Variants in ADAMTS13 observed in about 807,000 individuals in gnomAD.
The protein encoded by ADAMTS13 is ADAM metallopeptidase with thrombospondin type 1 motif 13.
Under a neutral mutation model 155.1 loss-of-function variants are expected in ADAMTS13, and 110 were observed. The observed-to-expected ratio is 0.71, with a 90% CI of 0.61 to 0.83. The LOEUF (loss-of-function observed/expected upper bound fraction) is 0.83. ADAMTS13 is among the 40% of genes least tolerant of loss of function. ADAMTS13 has a pLI of 0.00. For missense variants in ADAMTS13, 1,707 were observed against 1,891.7 expected, an observed-to-expected ratio of 0.90 and a Z score of 1.81; for synonymous variants, 758 against 756.4, an observed-to-expected ratio of 1.00 and a Z score of -0.03.
rs1840937455 is a variant in ADAMTS13 at position 133,433,489 on chromosome 9, G to T, written c.1204G>T (p.Gly402Ter). 1 of 1,613,432 alleles carries T rather than the reference G, an allele frequency of 6.2e-7. No homozygotes were observed. Among genetic ancestry groups the T allele is most frequent in the South Asian group, 1.1e-5 (1 of 91,090 alleles). Residue 402 changes from glycine to a stop codon, truncating the protein, a stop_gained, in exon 10 of 29, where the codon GGA becomes TGA. Transcript: ENST00000355699. LOFTEE classifies it high-confidence loss of function. ...PRSPCSRSCGGGVVTRRRQCN... is the reference protein window; with the variant it reads ...PRSPCSRSCG ...AAGTCCTTGCTCCCGCTCCTGCGGA[G>T]GAGGTGTGGTCACCAGGAGGCGGCA...
rs1554785306 is a variant in ADAMTS13 at position 133,426,323 on chromosome 9, A to G, written c.664A>G (p.Ile222Val). The change falls in exon 6 of 29, where the codon ATT (isoleucine) becomes GTT (valine). Residue 222 changes from isoleucine to valine, a missense_variant. Physicochemically the swap from Ile to Val is conservative, Grantham distance 29 (BLOSUM62 3). Transcript: ENST00000355699. ...EDTGFDLGVT[I>V]AHEIGHSFGL... Reference sequence around the variant, plus strand: ...CACTGGCTTCGACCTGGGAGTCACCATTGCCCATGAGATTGGGCACAGGTA... The same window carrying G: ...CACTGGCTTCGACCTGGGAGTCACCGTTGCCCATGAGATTGGGCACAGGTA... The G allele has an allele frequency of 1.2e-6, 2 of 1,602,728 alleles. No individual in the cohort carries two copies. The highest frequency in any genetic ancestry group is 1.7e-6 in the Non-Finnish European group (2 of 1,179,942).
chr9:133,422,220 GA>G, upstream of ADAMTS13: 19 of 606,246 alleles, frequency 3.1e-5, no homozygotes, highest in South Asian at 3.5e-4. Context: ...AGGTTACCCT[GA>G]ACTGCAACCA....
chr9:133,452,120 CTT>C (rs79700317), intron 23 of ADAMTS13, among the ~76,000 whole-genome samples: 4 of 144,842 alleles, frequency 2.8e-5, no homozygotes, highest in African/African-American at 7.7e-5. Flanking sequence ...TTTTCTTCTC[CTT>C]TTTTTTTTTT....
exon 1 of ADAMTS13, chr9:133,414,615 G>A (rs376443200): frequency 6.5e-6 from 10 of 1,532,248 alleles, no homozygotes; most frequent in Non-Finnish European, 9.0e-6. Flanking sequence ...GACAGGCCTT[G>A]GTGAAGTCGC....
intron 7 of ADAMTS13, among the ~76,000 whole-genome samples, chr9:133,429,035 A>G (rs924699414): frequency 2.8e-4 from 36 of 128,124 alleles, no homozygotes; most frequent in African/African-American, 1.0e-3. Flanking sequence ...GTCCGTCCCC[A>G]CTCCGCATTC....
chr9:133,422,275 G>T (rs587757210), upstream of ADAMTS13: 10 of 662,568 alleles, frequency 1.5e-5, no homozygotes, highest in Non-Finnish European at 2.4e-5. Flanking sequence ...GCTGCAGGCC[G>T]CCCACCCTAG....
intron 28 of ADAMTS13, 30 bp from the exon 29 acceptor site, chr9:133,458,944 G>T: frequency 6.3e-7 from 1 of 1,595,220 alleles, no homozygotes; most frequent in Non-Finnish European, 8.6e-7. Flanking sequence ...ACTTGTGGCC[G>T]GTCCTTCTGG....
chr9:133,418,229 C>A, upstream of ADAMTS13: 1 of 275,732 alleles, frequency 3.6e-6, no homozygotes, highest in Non-Finnish European at 6.9e-6. Context: ...GAGATGCGAA[C>A]GCCGGAAGGG....
Position 133,426,267 on chromosome 9 carries a change from C to T in ADAMTS13, c.608C>T (p.Ser203Phe). Reference protein sequence around the residue: ...RGVTQLGGACSPTWSCLITED... With the variant: ...RGVTQLGGACFPTWSCLITED... ...GTCACCCAGCTGGGCGGTGCCTGCTCCCCAACCTGGAGCTGCCTCATTACC... is the reference window on the plus strand; with the variant it reads ...GTCACCCAGCTGGGCGGTGCCTGCTTCCCAACCTGGAGCTGCCTCATTACC... The change falls in exon 6 of 29, where the codon TCC (serine) becomes TTC (phenylalanine). Residue 203 changes from serine (S) to phenylalanine (F), a missense_variant. Coordinates refer to ENST00000355699, the MANE Select transcript of ADAMTS13 (RefSeq NM_139027.6). 1.2e-6 allele frequency: 2 copies of T among 1,611,996 alleles called. No homozygotes were observed. The highest frequency in any genetic ancestry group is 1.7e-6 in the Non-Finnish European group (2 of 1,179,986).
intron 23 of ADAMTS13, among the ~76,000 whole-genome samples, chr9:133,450,851 G>T (rs36222278): frequency 6.6e-6 from 1 of 152,248 alleles, no homozygotes; most frequent in African/African-American, 2.4e-5. Context: ...TGCTAGTTGT[G>T]GGAGGTGAAG....
intron 7 of ADAMTS13, among the ~76,000 whole-genome samples, chr9:133,429,170 C>CT (rs1554786255): frequency 9.1e-6 from 1 of 109,842 alleles, no homozygotes; most frequent in Non-Finnish European, 1.9e-5. Context: ...CCCCTGCACC[C>CT]ACCCCCCCGT....
At chr9:133,435,812 G>C (rs1412444059) in intron 11 of ADAMTS13, among the ~76,000 whole-genome samples, 1 of 151,918 alleles carries the variant, frequency 6.6e-6, no homozygotes, top group East Asian at 1.9e-4. Context: ...GATCACAGGC[G>C]TGAGCCACCG....
In ADAMTS13 at chr9:133,426,272, A is replaced by C. The variant is rs781874381; in HGVS notation, c.613A>C (p.Thr205Pro). Residue 205 changes from threonine (T) to proline (P), a missense_variant, in exon 6 of 29, where the codon ACC becomes CCC. Around this residue, in one of 3 missense-constraint regions of ADAMTS13, gnomAD observed 733 missense variants for 749.6 expected, o/e 0.98. Transcript: ENST00000355699. ...CCAGCTGGGCGGTGCCTGCTCCCCAACCTGGAGCTGCCTCATTACCGAGGA... is the reference window on the plus strand; with the variant it reads ...CCAGCTGGGCGGTGCCTGCTCCCCACCCTGGAGCTGCCTCATTACCGAGGA... ...VTQLGGACSP[T>P]WSCLITEDTG... 11 of 1,611,442 alleles carry C rather than the reference A, an allele frequency of 6.8e-6. No individual in the cohort carries two copies. In the African/African-American group the frequency reaches 1.1e-4, roughly 16 times the overall value.
In ADAMTS13 at chr9:133,437,754, G is replaced by C; in HGVS notation, c.1441G>C (p.Ala481Pro). The C allele has an allele frequency of 6.2e-7, 1 of 1,613,870 alleles. No homozygotes were observed. Among genetic ancestry groups the C allele is most frequent in the Admixed American group, 1.7e-5 (1 of 60,024 alleles). ...GAAVPHSQGD[A>P]LCRHMCRAIG... is the part of the protein sequence containing the mutation. ...TTTTCACTCTGCCCTCCCAGGGGAT[G>C]CTCTGTGCAGACACATGTGCCGGGC... Residue 481 changes from alanine (A) to proline (P), a missense_variant, in exon 13 of 29, where the codon GCT becomes CCT. Ala to Pro is a conservative substitution (Grantham distance 27). Around this residue, in one of 3 missense-constraint regions of ADAMTS13, gnomAD observed 733 missense variants for 749.6 expected, o/e 0.98. Coordinates refer to ENST00000355699, the MANE Select transcript of ADAMTS13 (RefSeq NM_139027.6).
At chr9:133,450,953 C>T (rs894683979) in intron 23 of ADAMTS13, among the ~76,000 whole-genome samples, 6 of 152,126 alleles carry the variant, frequency 3.9e-5, no homozygotes, top group South Asian at 2.1e-4. Context: ...TGAGCACCAG[C>T]ATTCTGATGT....
intron 5 of ADAMTS13, 43 bp from the exon 6 acceptor site, chr9:133,426,156 A>T (rs782413444): frequency 7.4e-6 from 12 of 1,613,868 alleles, no homozygotes; most frequent in African/African-American, 1.3e-5. Flanking sequence ...CAGGGCAGGC[A>T]CGTGCCTTGG....
chr9:133,455,164 C>T (rs1842665274), intron 24 of ADAMTS13, 121 bp from the exon 25 acceptor site: 1 of 1,112,350 alleles, frequency 9.0e-7, no homozygotes, highest in South Asian at 1.3e-5. Context: ...GGAATGGAGA[C>T]ACTTAACTGC....
At position 133,424,303 on chromosome 9, in the gene ADAMTS13, C is replaced by T. The variant is rs35410697; in HGVS notation, c.173-18C>T. The T allele has an allele frequency of 0.059, 94,312 of 1,610,810 alleles. 3,249 individuals are homozygous for T. The highest frequency in any genetic ancestry group is 0.069 in the Non-Finnish European group (81,628 of 1,179,830). Reference sequence around the variant, plus strand: ...CTCTCTAGAACCATCGCCCTCTGCTCTCCCTCTCCCCCTCCAGGCCGCCCT... The same window carrying T: ...CTCTCTAGAACCATCGCCCTCTGCTTTCCCTCTCCCCCTCCAGGCCGCCCT... On this transcript the variant is annotated intron_variant, in intron 2 of 28. Transcript: ENST00000355699. This position sits in a 1 kb window ranked among gnomAD's most constrained non-coding sequence, Gnocchi z 4.3.
intron 22 of ADAMTS13, among the ~76,000 whole-genome samples, chr9:133,449,076 A>G (rs2130910382): frequency 6.6e-6 from 1 of 152,334 alleles, no homozygotes; most frequent in East Asian, 1.9e-4. Flanking sequence ...TTGTGCCCCC[A>G]GAAGACTGGG....
Sources: allele counts gnomAD v4.1 joint callset (sites outside exome capture counted in the v4.1 genomes callset), GRCh38; gene constraint gnomAD v4.1.1; regional missense constraint gnomAD v4.1.1; non-coding constraint Gnocchi (gnomAD v3.1); transcripts MANE v1.5; gene names NCBI Gene and HGNC (gene_info 2026-07-23, HGNC 2026-07-21).